Variants in COL25A1 observed in about 807,000 individuals in gnomAD.
The protein encoded by COL25A1 is collagen alpha-1(XXV) chain.
Under a neutral mutation model 128.4 loss-of-function variants are expected in COL25A1, and 103 were observed. The ratio of observed to expected loss-of-function variants is 0.80; its 90% CI spans 0.68 to 0.94. The LOEUF is 0.94. Among genes scored for constraint, COL25A1 ranks in the 40% least tolerant of loss-of-function variants. The probability of loss-of-function intolerance (pLI) is 0.00; values close to 1 mark genes in which losing one functional copy is unlikely to be tolerated. For missense variants in COL25A1, 745 were observed against 840.0 expected (o/e 0.89, Z 1.40); for synonymous variants, 279 against 277.2 (o/e 1.01, Z -0.06).
At chr4:109,166,339 A>G (rs895747648) in intron 3 of COL25A1, among the ~76,000 whole-genome samples, 2 of 152,210 alleles carry the variant, frequency 1.3e-5, no homozygotes, top group Admixed American at 1.3e-4. Context: ...CTGTAAATAC[A>G]GCTGGGATGA....
At chr4:109,277,874 G>A (rs1178482026) in intron 3 of COL25A1, among the ~76,000 whole-genome samples, 1 of 152,118 alleles carries the variant, frequency 6.6e-6, no homozygotes, top group East Asian at 1.9e-4. Flanking sequence ...GGTGGCTCAA[G>A]CCTCTAATCC....
chr4:109,271,377 C>T (rs926497056), intron 3 of COL25A1, among the ~76,000 whole-genome samples: 1 of 152,168 alleles, frequency 6.6e-6, no homozygotes, highest in Non-Finnish European at 1.5e-5. Flanking sequence ...TTCCTTTGGC[C>T]TTCTTTTCTC....
At chr4:109,088,943 A>G (rs1764658422) in intron 3 of COL25A1, among the ~76,000 whole-genome samples, 1 of 152,222 alleles carries the variant, frequency 6.6e-6, no homozygotes, top group African/African-American at 2.4e-5. Context: ...TTAGAAATCA[A>G]CCACGTACAG....
chr4:109,112,362 T>C (rs1767106844), intron 3 of COL25A1, among the ~76,000 whole-genome samples: 1 of 152,140 alleles, frequency 6.6e-6, no homozygotes, highest in Non-Finnish European at 1.5e-5. Flanking sequence ...AAGGCACATG[T>C]GTCCTTCCCA....
chr4:108,984,153 G>A (rs955431245), intron 6 of COL25A1, among the ~76,000 whole-genome samples: 2 of 152,214 alleles, frequency 1.3e-5, no homozygotes, highest in African/African-American at 2.4e-5. Flanking sequence ...AGAGTAGCTA[G>A]ATACAGAGTG....
intron 3 of COL25A1, among the ~76,000 whole-genome samples, chr4:109,118,825 C>T (rs1767846232): frequency 1.3e-5 from 2 of 151,958 alleles, no homozygotes; most frequent in Admixed American, 1.3e-4. Flanking sequence ...ATCCACCACA[C>T]AGAAAATCGA....
rs1738378213 is a variant in COL25A1 at position 108,869,164 on chromosome 4, G to A, written c.1021-14C>T. ...ACCTGGTTCTCCCTTTAAAAACATG[G>A]GCATATGAGATCATTAATCATTTGA... On this transcript the variant is annotated splice_polypyrimidine_tract_variant and intron_variant, in intron 19 of 37. Coordinates refer to ENST00000399132, the MANE Select transcript of COL25A1 (RefSeq NM_198721.4). 2.2e-6 allele frequency: 3 copies of A among 1,358,374 alleles called. No individual in the cohort carries two copies. Among genetic ancestry groups the A allele is most frequent in the East Asian group, 2.5e-5 (1 of 39,658 alleles). 84.1% of individuals were successfully genotyped at this position (1,358,374 alleles called of 1,614,324 possible). A position where few individuals can be genotyped will look rare whatever the true frequency, so the allele number is the denominator to read the frequency against.
chr4:108,910,383 C>T (rs1360659015), intron 13 of COL25A1, among the ~76,000 whole-genome samples: 1 of 152,094 alleles, frequency 6.6e-6, no homozygotes, highest in Non-Finnish European at 1.5e-5. Flanking sequence ...GGTATTAATG[C>T]CTCCAATTCA....
intron 3 of COL25A1, among the ~76,000 whole-genome samples, chr4:109,131,109 T>C (rs1404839395): frequency 6.6e-6 from 1 of 152,180 alleles, no homozygotes; most frequent in Non-Finnish European, 1.5e-5. Context: ...ATTAGCCTTA[T>C]ATGACAAAGA....
At chr4:109,107,513 A>T (rs1766558290) in intron 3 of COL25A1, among the ~76,000 whole-genome samples, 1 of 152,204 alleles carries the variant, frequency 6.6e-6, no homozygotes. Context: ...CTTGTCATTT[A>T]GTAAGATAAT....
intron 3 of COL25A1, among the ~76,000 whole-genome samples, chr4:109,076,174 T>C (rs1171507016): frequency 6.6e-6 from 1 of 152,192 alleles, no homozygotes; most frequent in African/African-American, 2.4e-5. Flanking sequence ...TTGGTATCCA[T>C]GGGAGGTCCT....
chr4:108,842,352 G>A (rs1345046638), intron 30 of COL25A1, among the ~76,000 whole-genome samples: 2 of 152,148 alleles, frequency 1.3e-5, no homozygotes, highest in Non-Finnish European at 2.9e-5. Context: ...TGTAATAATT[G>A]TTTATCAGTG....
chr4:109,210,655 T>C (rs1777421566), intron 3 of COL25A1, among the ~76,000 whole-genome samples: 2 of 152,270 alleles, frequency 1.3e-5, no homozygotes. Flanking sequence ...AAAATGCCTA[T>C]ATTTTCTTTA....
intron 3 of COL25A1, among the ~76,000 whole-genome samples, chr4:109,226,823 CAATAAT>C (rs1462322885): frequency 6.6e-6 from 1 of 151,928 alleles, no homozygotes; most frequent in African/African-American, 2.4e-5. Flanking sequence ...ACAAAATAGG[CAATAAT>C]AATATTAATA....
chr4:109,239,767 ATTTAC>A (rs1356474423), intron 3 of COL25A1, among the ~76,000 whole-genome samples: 5 of 151,996 alleles, frequency 3.3e-5, no homozygotes, highest in East Asian at 1.9e-4. Context: ...AAGCTTAGCT[ATTTAC>A]TTTACAAACT....
intron 3 of COL25A1, among the ~76,000 whole-genome samples, chr4:109,220,806 C>G (rs1778355262): frequency 6.6e-6 from 1 of 152,032 alleles, no homozygotes; most frequent in Admixed American, 6.6e-5. Context: ...ATGATTTATT[C>G]CCTATAATAC....
intron 3 of COL25A1, among the ~76,000 whole-genome samples, chr4:109,093,091 G>C (rs1194314687): frequency 6.6e-6 from 1 of 151,902 alleles, no homozygotes; most frequent in Non-Finnish European, 1.5e-5. Context: ...CCTACTCCAG[G>C]CCAGAACAAA....
intron 3 of COL25A1, among the ~76,000 whole-genome samples, chr4:109,141,207 T>C (rs761503820): frequency 3.3e-5 from 5 of 152,200 alleles, no homozygotes; most frequent in Non-Finnish European, 7.4e-5. Context: ...GTTTTGGTCA[T>C]TGGTTCTGTT....
chr4:109,230,399 A>G (rs1396835061), intron 3 of COL25A1, among the ~76,000 whole-genome samples: 2 of 152,232 alleles, frequency 1.3e-5, no homozygotes, highest in Non-Finnish European at 2.9e-5. Flanking sequence ...CAAATATATT[A>G]TTGTACCATA....
Sources: gnomAD v4.1 joint callset for allele counts (sites outside exome capture counted in the v4.1 genomes callset) on GRCh38, gnomAD v4.1.1 for gene constraint, MANE v1.5 for transcripts, NCBI Gene and HGNC (gene_info 2026-07-23, HGNC 2026-07-21) for gene names.